TSHR: variants seen among roughly 807,000 people sequenced by gnomAD.
The protein encoded by TSHR is thyrotropin receptor.
In TSHR, 51 loss-of-function variants were observed where a neutral mutation model predicts 64.1. The observed-to-expected ratio is 0.80, with a 90% CI of 0.64 to 1.01. The LOEUF (loss-of-function observed/expected upper bound fraction) is 1.01, where lower values mean the gene tolerates loss of function less well. Among genes scored for constraint, TSHR ranks in the 50% least tolerant of loss-of-function variants. The pLI, the probability that TSHR is intolerant of heterozygous loss-of-function variation, is 0.00. For synonymous variants in TSHR, 361 were observed against 361.9 expected (o/e 1.00, Z 0.03); for missense variants, 877 against 942.8 (o/e 0.93, Z 0.91).
intron 8 of TSHR, among the ~76,000 whole-genome samples, chr14:81,109,619 C>T (rs543972710): frequency 6.6e-6 from 1 of 152,174 alleles, no homozygotes; most frequent in South Asian, 2.1e-4. Context: ...TGGATGCCTC[C>T]TAGAGAAGGG....
chr14:81,103,616 T>A lies in TSHR; in HGVS notation c.615-4759T>A. 1 of 985,484 alleles carries A rather than the reference T, an allele frequency of 1.0e-6. No homozygotes were observed. The highest frequency in any genetic ancestry group is 1.2e-6 in the Non-Finnish European group (1 of 829,936). 61.0% of individuals were successfully genotyped at this position (985,484 alleles called of 1,614,324 possible). ...GCAGATGTGTAAAAGCACATTGTCCTATGACTTCCTATGGCGCCAAGAATG... is the reference window on the plus strand; with the variant it reads ...GCAGATGTGTAAAAGCACATTGTCCAATGACTTCCTATGGCGCCAAGAATG... On this transcript the variant is annotated intron_variant, in intron 7 of 9. Coordinates refer to ENST00000298171, the MANE Select transcript of TSHR (RefSeq NM_000369.5). This position sits in a 1 kb window ranked among gnomAD's most constrained non-coding sequence, Gnocchi z 4.1.
intron 3 of TSHR, among the ~76,000 whole-genome samples, chr14:81,071,439 T>C (rs1887058379): frequency 6.6e-6 from 1 of 152,180 alleles, no homozygotes; most frequent in African/African-American, 2.4e-5. Flanking sequence ...TATTATAAAA[T>C]ATTTTCAAGT....
chr14:81,145,338 A>C lies in TSHR; in HGVS notation c.*985A>C, dbSNP rs540667410. 1 of 232,990 alleles carries C rather than the reference A, an allele frequency of 4.3e-6. No individual in the cohort carries two copies. The highest frequency in any genetic ancestry group is 8.5e-6 in the Non-Finnish European group (1 of 117,998). 14.4% of individuals were successfully genotyped at this position (232,990 alleles called of 1,614,324 possible). Reference sequence around the variant, plus strand: ...TAAGTAAGTAGAATCTGTTTTTCCTATTTTGTAGGGCTGCTGACTCCTAGT... The same window carrying C: ...TAAGTAAGTAGAATCTGTTTTTCCTCTTTTGTAGGGCTGCTGACTCCTAGT... On this transcript the variant is annotated 3_prime_UTR_variant, in exon 10 of 10. Coordinates refer to ENST00000298171, the MANE Select transcript of TSHR (RefSeq NM_000369.5).
intron 7 of TSHR, chr14:81,105,070 G>A (rs778570253): frequency 4.0e-5 from 39 of 985,102 alleles, no homozygotes; most frequent in Non-Finnish European, 4.6e-5. Flanking sequence ...TCTTCTCCTT[G>A]CAAGGGATAG....
At chr14:81,010,420 A>G (rs1328251903) in intron 1 of TSHR, among the ~76,000 whole-genome samples, 1 of 151,940 alleles carries the variant, frequency 6.6e-6, no homozygotes, top group Non-Finnish European at 1.5e-5. Flanking sequence ...ATCAGCTCTA[A>G]TAATTTTCTC....
chr14:80,995,371 C>T (rs537708531), intron 1 of TSHR: 12 of 152,190 alleles, frequency 7.9e-5, no homozygotes, highest in Admixed American at 3.9e-4. Flanking sequence ...ATTATAAAGA[C>T]ACATGTGTAT....
chr14:80,956,394 A>G (rs1464761292), intron 1 of TSHR, among the ~76,000 whole-genome samples: 1 of 152,220 alleles, frequency 6.6e-6, no homozygotes, highest in African/African-American at 2.4e-5. Flanking sequence ...TCAAATGTGA[A>G]CTGCCAGTGA....
At chr14:81,109,108 C>A (rs1890106656) in intron 8 of TSHR, among the ~76,000 whole-genome samples, 1 of 152,090 alleles carries the variant, frequency 6.6e-6, no homozygotes, top group African/African-American at 2.4e-5. Context: ...CCACTCTAGT[C>A]CTTGCCAAAG....
At chr14:80,981,637 G>C (rs1888177723) in intron 1 of TSHR, among the ~76,000 whole-genome samples, 1 of 152,120 alleles carries the variant, frequency 6.6e-6, no homozygotes, top group South Asian at 2.1e-4. Flanking sequence ...GTAGGTAGCT[G>C]TTCACTAGGG....
intron 1 of TSHR, among the ~76,000 whole-genome samples, chr14:80,988,504 C>CT (rs955437879): frequency 5.9e-5 from 9 of 152,126 alleles, no homozygotes; most frequent in African/African-American, 2.2e-4. Context: ...CAGGCCCCAC[C>CT]TCCAACATTG....
chr14:81,104,049 G>T lies in TSHR; in HGVS notation c.615-4326G>T, dbSNP rs560418121. ...AAGACAATGATAGAGAATATTATAGGATTAAGAAGGCTATTATTTATCATG... is the reference window on the plus strand; with the variant it reads ...AAGACAATGATAGAGAATATTATAGTATTAAGAAGGCTATTATTTATCATG... On this transcript the variant is annotated intron_variant, in intron 7 of 9. Coordinates refer to ENST00000298171, the MANE Select transcript of TSHR (RefSeq NM_000369.5). The T allele has an allele frequency of 1.0e-4, 100 of 985,388 alleles. 2 individuals are homozygous for T. In the South Asian group the frequency reaches 3.9e-3, roughly 39 times the overall value. The allele number at this position is 985,388 out of a possible 1,614,324, so 61.0% of individuals were successfully genotyped here. A position where few individuals can be genotyped will look rare whatever the true frequency, so the allele number is the denominator to read the frequency against.
intron 1 of TSHR, among the ~76,000 whole-genome samples, chr14:81,008,029 G>A (rs1414176251): frequency 1.3e-5 from 2 of 152,180 alleles, no homozygotes; most frequent in Admixed American, 6.5e-5. Context: ...AAAACTTGTG[G>A]AGGGTTGGAG....
chr14:81,110,796 C>A (rs974033882), intron 8 of TSHR, among the ~76,000 whole-genome samples: 1 of 152,094 alleles, frequency 6.6e-6, no homozygotes, highest in Non-Finnish European at 1.5e-5. Context: ...AAACACCCAT[C>A]TTTGGTAATT....
At chr14:80,985,000 T>C (rs1888365549) in intron 1 of TSHR, among the ~76,000 whole-genome samples, 2 of 152,142 alleles carry the variant, frequency 1.3e-5, no homozygotes, top group Non-Finnish European at 1.5e-5. Context: ...CCTGTAATCC[T>C]AGCACTTTGG....
At chr14:80,983,149 G>A (rs1888256561) in intron 1 of TSHR, 1 of 865,850 alleles carries the variant, frequency 1.2e-6, no homozygotes, top group South Asian at 2.1e-5. Context: ...ATTTTCTTAT[G>A]AGTAATTACT....
intron 3 of TSHR, among the ~76,000 whole-genome samples, chr14:81,077,818 G>A (rs58396658): frequency 0.064 from 9,693 of 151,990 alleles, 1,018 homozygotes; most frequent in African/African-American, 0.22. Context: ...GTTTATTAGT[G>A]TTCTATTCCA....
At chr14:81,018,552 G>A (rs1883552266) in intron 1 of TSHR, among the ~76,000 whole-genome samples, 1 of 152,238 alleles carries the variant, frequency 6.6e-6, no homozygotes, top group Non-Finnish European at 1.5e-5. Context: ...GAGCACCGAA[G>A]AGTTGGAGGG....
intron 8 of TSHR, among the ~76,000 whole-genome samples, chr14:81,115,760 A>AT (rs1205278997): frequency 6.6e-6 from 1 of 152,106 alleles, no homozygotes; most frequent in Non-Finnish European, 1.5e-5. Flanking sequence ...GAAGGAAAAA[A>AT]TGTGAAGGGC....
intron 1 of TSHR, among the ~76,000 whole-genome samples, chr14:80,967,842 C>T (rs1056336255): frequency 6.6e-6 from 1 of 151,940 alleles, no homozygotes; most frequent in African/African-American, 2.4e-5. Flanking sequence ...GAGTATGATC[C>T]CAGGAGCAGA....
Sources: allele counts gnomAD v4.1 joint callset (sites outside exome capture counted in the v4.1 genomes callset), GRCh38; gene constraint gnomAD v4.1.1; non-coding constraint Gnocchi (gnomAD v3.1); transcripts MANE v1.5; gene names NCBI Gene and HGNC (gene_info 2026-07-23, HGNC 2026-07-21).